Variants in CDKN1A observed in about 807,000 individuals in gnomAD.
CDKN1A encodes the protein cyclin dependent kinase inhibitor 1A, also known as cyclin-dependent kinase inhibitor 1.
Under a neutral mutation model 14.8 loss-of-function variants are expected in CDKN1A, and 14 were observed. The observed-to-expected ratio is 0.94, with a 90% CI of 0.62 to 1.48. The LOEUF is 1.48. Among genes scored for constraint, CDKN1A ranks in the 40% most tolerant of loss-of-function variants. The probability of loss-of-function intolerance (pLI) is 0.00; values close to 1 mark genes in which losing one functional copy is unlikely to be tolerated. For synonymous variants in CDKN1A, 92 were observed against 93.5 expected, an observed-to-expected ratio of 0.98 and a Z score of 0.09; for missense variants, 203 against 231.7, an observed-to-expected ratio of 0.88 and a Z score of 0.80.
upstream of CDKN1A, chr6:36,676,591 CTGAACAGGGTATG>C (rs2150303024): frequency 6.6e-6 from 1 of 152,322 alleles, no homozygotes; most frequent in Admixed American, 6.5e-5. Context: ...GCCTGTTACT[CTGAACAGGGTATG>C]TGATCTGCCA....
At chr6:36,681,326 T>TTCTA (rs1176473274) in intron 1 of CDKN1A, among the ~76,000 whole-genome samples, 2 of 123,832 alleles carry the variant, frequency 1.6e-5, no homozygotes, top group African/African-American at 6.0e-5. Flanking sequence ...CTTTCTTTCT[T>TTCTA]TCTTTCTTTT....
chr6:36,680,307 C>CGTGTGTGTGTGTGTGTGTGTGTGT (rs59454180), intron 1 of CDKN1A, among the ~76,000 whole-genome samples: 23 of 133,186 alleles, frequency 1.7e-4, no homozygotes, highest in Non-Finnish European at 3.2e-4. Context: ...TCTGCGCGGG[C>CGTGTGTGTGTGTGTGTGTGTGTGT]GTGTGTGTGT....
chr6:36,681,767 T>G lies in CDKN1A; in HGVS notation c.-5-2330T>G, dbSNP rs188509762. Among the ~76,000 whole-genome samples, 1,056 of 151,734 alleles carry G rather than the reference T, an allele frequency of 7.0e-3. 11 individuals are homozygous for G. The highest frequency in any genetic ancestry group is 0.024 in the African/African-American group (1,011 of 41,268). ...CCATCATGCCCGGCTAATTTTTTTT[T>G]GTATTTTTAGTAGAGACGGGGTTTC... is the stretch of plus-strand genomic sequence containing the variant. On this transcript the variant is annotated intron_variant, in intron 1 of 2. Transcript: ENST00000244741.
At chr6:36,681,968 C>T (rs1024765788) in intron 1 of CDKN1A, among the ~76,000 whole-genome samples, 1 of 152,070 alleles carries the variant, frequency 6.6e-6, no homozygotes, top group Non-Finnish European at 1.5e-5. Context: ...TAGTCTTGGA[C>T]CCTTGGGCTC....
At chr6:36,681,635 C>G (rs932559905) in intron 1 of CDKN1A, among the ~76,000 whole-genome samples, 13 of 145,704 alleles carry the variant, frequency 8.9e-5, no homozygotes, top group Non-Finnish European at 2.0e-4. Flanking sequence ...CTCTGTCACC[C>G]AGGCTGGAGT....
Position 36,684,145 on chromosome 6 carries a change from G to A in CDKN1A, c.44G>A (p.Ser15Asn), listed in dbSNP as rs866551255. 8.1e-6 allele frequency: 13 copies of A among 1,612,944 alleles called. No individual in the cohort carries two copies. Among genetic ancestry groups the A allele is most frequent in the Non-Finnish European group, 1.0e-5 (12 of 1,179,994 alleles). The change falls in exon 2 of 3, where the codon AGC becomes AAC. Residue 15 changes from serine (S) to asparagine (N), a missense_variant. By Grantham distance (46) the Ser-to-Asn change is conservative (BLOSUM62 1). Transcript: ENST00000244741. This position sits in a 1 kb window ranked among gnomAD's most constrained non-coding sequence, Gnocchi z 6.0. The stretch of plus-strand genomic sequence containing the variant: ...GATGTCCGTCAGAACCCATGCGGCA[G>A]CAAGGCCTGCCGCCGCCTCTTCGGC... Reference protein sequence around the residue: ...AGDVRQNPCGSKACRRLFGPV... With the variant: ...AGDVRQNPCGNKACRRLFGPV...
intron 1 of CDKN1A, among the ~76,000 whole-genome samples, chr6:36,682,367 G>C (rs746709369): frequency 3.3e-5 from 5 of 152,228 alleles, no homozygotes; most frequent in African/African-American, 4.8e-5. Context: ...GGTTATTTGA[G>C]GGCTCTGTCC....
chr6:36,684,171 C>A lies in CDKN1A; in HGVS notation c.70C>A (p.Pro24Thr), dbSNP rs1276639827. 8.1e-6 allele frequency: 13 copies of A among 1,612,426 alleles called. No homozygotes were observed. The highest frequency in any genetic ancestry group is 1.0e-5 in the Non-Finnish European group (12 of 1,180,014). Reference sequence around the variant, plus strand: ...CAAGGCCTGCCGCCGCCTCTTCGGCCCAGTGGACAGCGAGCAGCTGAGCCG... The same window carrying A: ...CAAGGCCTGCCGCCGCCTCTTCGGCACAGTGGACAGCGAGCAGCTGAGCCG... ...GSKACRRLFG[P>T]VDSEQLSRDC... Residue 24 changes from proline to threonine, a missense_variant, in exon 2 of 3, where the codon CCA (proline) becomes ACA (threonine). Physicochemically the swap from Pro to Thr is conservative, Grantham distance 38. Transcript: ENST00000244741. The surrounding 1 kb of genome is among the most constrained non-coding windows in gnomAD (Gnocchi z 6.0).
In CDKN1A at chr6:36,684,163, T is replaced by A. The variant is rs2150312884; in HGVS notation, c.62T>A (p.Leu21His). ...NPCGSKACRR[L>H]FGPVDSEQLS... ...TGCGGCAGCAAGGCCTGCCGCCGCCTCTTCGGCCCAGTGGACAGCGAGCAG... is the reference window on the plus strand; with the variant it reads ...TGCGGCAGCAAGGCCTGCCGCCGCCACTTCGGCCCAGTGGACAGCGAGCAG... Residue 21 changes from leucine (L) to histidine (H), a missense_variant, in exon 2 of 3, where the codon CTC (leucine) becomes CAC (histidine). Coordinates refer to ENST00000244741, the MANE Select transcript of CDKN1A (RefSeq NM_000389.5). The surrounding 1 kb of genome is among the most constrained non-coding windows in gnomAD (Gnocchi z 6.0). 1 of 1,612,558 alleles carries A rather than the reference T, an allele frequency of 6.2e-7. No homozygotes were observed. Among genetic ancestry groups the A allele is most frequent in the Non-Finnish European group, 8.5e-7 (1 of 1,179,986 alleles).
intron 1 of CDKN1A, among the ~76,000 whole-genome samples, chr6:36,681,618 G>GGA (rs1562038757): frequency 2.7e-4 from 33 of 121,396 alleles, no homozygotes; most frequent in African/African-American, 1.0e-3. Context: ...TTTGAGATGC[G>GGA]GTCTCGCTCT....
chr6:36,684,592 C>G lies in CDKN1A; in HGVS notation c.445+46C>G. The G allele has an allele frequency of 6.5e-7, 1 of 1,547,064 alleles. No homozygotes were observed. Among genetic ancestry groups the G allele is most frequent in the Non-Finnish European group, 8.9e-7 (1 of 1,121,170 alleles). On this transcript the variant is annotated intron_variant, in intron 2 of 2. Transcript: ENST00000244741. The surrounding 1 kb of genome is among the most constrained non-coding windows in gnomAD (Gnocchi z 6.0). ...GGACTTTGTAAGGGACCAGGATTCT[C>G]AGAATCCATGGTCCAAGGGCTGACC...
In CDKN1A at chr6:36,684,370, G is replaced by T. The variant is rs565736236; in HGVS notation, c.269G>T (p.Gly90Val). ...TGPRRGRDEL[G>V]GGRRPGTSPA... Reference sequence around the variant, plus strand: ...CCCCGGCGAGGCCGGGATGAGTTGGGAGGAGGCAGGCGGCCTGGCACCTCA... The same window carrying T: ...CCCCGGCGAGGCCGGGATGAGTTGGTAGGAGGCAGGCGGCCTGGCACCTCA... Residue 90 changes from glycine to valine, a missense_variant, in exon 2 of 3, where the codon GGA (glycine) becomes GTA (valine). Transcript: ENST00000244741. This position sits in a 1 kb window ranked among gnomAD's most constrained non-coding sequence, Gnocchi z 6.0. 1 of 1,613,392 alleles carries T rather than the reference G, an allele frequency of 6.2e-7. No individual in the cohort carries two copies. The highest frequency in any genetic ancestry group is 2.2e-5 in the East Asian group (1 of 44,842).
upstream of CDKN1A, among the ~76,000 whole-genome samples, chr6:36,676,737 C>T (rs1284791011): frequency 2.0e-5 from 3 of 151,980 alleles, no homozygotes; most frequent in Non-Finnish European, 4.4e-5. Context: ...GGCAGAAGTC[C>T]TCCCTTAGAG....
chr6:36,681,393 CT>C (rs1309904851), intron 1 of CDKN1A, among the ~76,000 whole-genome samples: 1 of 90,086 alleles, frequency 1.1e-5, no homozygotes, highest in African/African-American at 4.6e-5. Context: ...TTCTTTCTTT[CT>C]TTCTTTCTTT....
rs767470082 is a variant in CDKN1A at position 36,681,377 on chromosome 6, C to CT, written c.-6+2582dup. 2.0e-3 allele frequency among the ~76,000 whole-genome samples: 127 copies of CT among 62,482 alleles called. 1 individual carries two copies. The highest frequency in any genetic ancestry group is 4.9e-3 in the East Asian group (9 of 1,824). The allele number at this position is 62,482 out of a possible 152,430, so 41.0% of individuals were successfully genotyped here. ...TTTTCTTTCTTTTCTTTCTTTCTTT[C>CT]TTTCTTTCTTTCTTTCTTTCTTTCT... On this transcript the variant is annotated intron_variant, in intron 1 of 2. Coordinates refer to ENST00000244741, the MANE Select transcript of CDKN1A (RefSeq NM_000389.5).
rs1451003891 is a variant in CDKN1A, at chr6:36,681,276, CTTTTTT to C, written c.-6+2480_-6+2485del. On this transcript the variant is annotated intron_variant, in intron 1 of 2. Transcript: ENST00000244741. ...ACTCCCTAGGTGCTTTTCTTTCTTT[CTTTTTT>C]TCTTTCTTTCTTTCTTTCTTTCTTT... Among the ~76,000 whole-genome samples the C allele has an allele frequency of 4.8e-3, 503 of 105,544 alleles. 23 individuals are homozygous for C. Among genetic ancestry groups the C allele is most frequent in the Middle Eastern group, 0.023 (5 of 214 alleles). 69.2% of individuals were successfully genotyped at this position (105,544 alleles called of 152,430 possible).
At position 36,684,352 on chromosome 6, in the gene CDKN1A, G is replaced by C. The variant is rs34916193; in HGVS notation, c.251G>C (p.Arg84Pro). ...CTCTACCTTCCCACGGGGCCCCGGC[G>C]AGGCCGGGATGAGTTGGGAGGAGGC... ...PKLYLPTGPR[R>P]GRDELGGGRR... is the part of the protein sequence containing the mutation. The change falls in exon 2 of 3, where the codon CGA (arginine) becomes CCA (proline). Residue 84 changes from arginine (R) to proline (P), a missense_variant. By Grantham distance (103) the Arg-to-Pro change is moderately radical. Coordinates refer to ENST00000244741, the MANE Select transcript of CDKN1A (RefSeq NM_000389.5). The surrounding 1 kb of genome is among the most constrained non-coding windows in gnomAD (Gnocchi z 6.0). The C allele has an allele frequency of 6.2e-7, 1 of 1,613,404 alleles. No individual in the cohort carries two copies.
chr6:36,685,663 T>A (rs1365265882), intron 2 of CDKN1A, 88 bp from the exon 3 acceptor site: 2 of 1,369,312 alleles, frequency 1.5e-6, no homozygotes, highest in Non-Finnish European at 1.0e-6. Flanking sequence ...GGGAAGGGTG[T>A]CCTGGCCCCC....
intron 1 of CDKN1A, among the ~76,000 whole-genome samples, chr6:36,681,272 C>CTT (rs1562037913): frequency 1.1e-5 from 1 of 89,802 alleles, no homozygotes; most frequent in African/African-American, 4.2e-5. Context: ...GCTTTTCTTT[C>CTT]TTTCTTTTTT....
Sources: gnomAD v4.1 joint callset for allele counts (sites outside exome capture counted in the v4.1 genomes callset) on GRCh38, gnomAD v4.1.1 for gene constraint, Gnocchi (gnomAD v3.1) non-coding constraint, MANE v1.5 for transcripts, NCBI Gene and HGNC (gene_info 2026-07-23, HGNC 2026-07-21) for gene names.